ARID1B: variants seen among roughly 807,000 people sequenced by gnomAD.
The protein encoded by ARID1B is AT-rich interaction domain 1B, also known as AT-rich interactive domain-containing protein 1B.
ARID1B carries 30 observed loss-of-function variants against 212.3 expected under a neutral mutation model. That is an observed-to-expected ratio of 0.14 (90% CI 0.11 to 0.19). The LOEUF is 0.19. ARID1B is among the 10% of genes least tolerant of loss of function. The pLI is 1.00. For synonymous variants in ARID1B, 1,402 were observed against 1,301.7 expected, an observed-to-expected ratio of 1.08 and a Z score of -1.66; for missense variants, 2,891 against 3,204.0, an observed-to-expected ratio of 0.90 and a Z score of 2.36.
chr6:157,161,360 G>A (rs1053568632), intron 8 of ARID1B, among the ~76,000 whole-genome samples: 4 of 151,612 alleles, frequency 2.6e-5, no homozygotes, highest in East Asian at 1.9e-4. Context: ...TTGCAGGCAC[G>A]CTGGTGGATT....
intron 4 of ARID1B, among the ~76,000 whole-genome samples, chr6:157,081,974 T>C (rs972299339): frequency 6.6e-6 from 1 of 152,212 alleles, no homozygotes; most frequent in Non-Finnish European, 1.5e-5. Context: ...TCCTGCCTGA[T>C]GGCTGTTCTC....
chr6:156,793,155 C>T (rs1780125563), intron 1 of ARID1B, among the ~76,000 whole-genome samples: 1 of 152,106 alleles, frequency 6.6e-6, no homozygotes, highest in Non-Finnish European at 1.5e-5. Context: ...TGAGGCATGG[C>T]TGGCACCTGA....
chr6:156,811,206 C>T (rs1230251584), intron 1 of ARID1B, among the ~76,000 whole-genome samples: 1 of 152,164 alleles, frequency 6.6e-6, no homozygotes, highest in Non-Finnish European at 1.5e-5. Flanking sequence ...ACTGTTTTAA[C>T]TTAATGTCAT....
chr6:156,806,916 AG>A (rs1200583251), intron 1 of ARID1B, among the ~76,000 whole-genome samples: 2 of 152,260 alleles, frequency 1.3e-5, no homozygotes, highest in African/African-American at 4.8e-5. Flanking sequence ...GCTGCGTGCC[AG>A]AAAAGCTATG....
At chr6:157,068,376 A>T (rs892008385) in intron 4 of ARID1B, among the ~76,000 whole-genome samples, 6 of 152,152 alleles carry the variant, frequency 3.9e-5, no homozygotes, top group African/African-American at 1.2e-4. Flanking sequence ...GCTGAATCTG[A>T]TGATGGTCTC....
chr6:157,127,801 AAAAAAC>A (rs1416120445), intron 6 of ARID1B, among the ~76,000 whole-genome samples: 1,497 of 147,048 alleles, frequency 0.01, 38 homozygotes, highest in African/African-American at 0.037. Flanking sequence ...AAAAAAAAAA[AAAAAAC>A]AAAAATTAGC....
intron 2 of ARID1B, among the ~76,000 whole-genome samples, chr6:156,897,249 C>CTTATTATTATTATTA (rs1165510857): frequency 2.1e-4 from 21 of 100,824 alleles, no homozygotes; most frequent in African/African-American, 4.6e-4. Flanking sequence ...TCTTCTTCTT[C>CTTATTATTATTATTA]TTCTTCTTCT....
intron 10 of ARID1B, 53 bp from the exon 11 acceptor site, chr6:157,174,790 TTAAA>T: frequency 7.3e-7 from 1 of 1,370,860 alleles, no homozygotes; most frequent in Middle Eastern, 2.1e-4. Flanking sequence ...TTTTGTTATT[TTAAA>T]TAAAGTTTGC....
intron 4 of ARID1B, among the ~76,000 whole-genome samples, chr6:157,044,514 G>A (rs192851313): frequency 6.6e-6 from 1 of 152,320 alleles, no homozygotes; most frequent in Admixed American, 6.5e-5. Flanking sequence ...GGGCCTCCTG[G>A]CTCAAGAACC....
Position 157,200,835 on chromosome 6 carries a change from C to T in ARID1B, c.4610C>T (p.Pro1537Leu), listed in dbSNP as rs530430137. 7.4e-6 allele frequency: 12 copies of T among 1,614,090 alleles called. No homozygotes were observed. Among genetic ancestry groups the T allele is most frequent in the South Asian group, 2.2e-5 (2 of 91,092 alleles). Residue 1537 changes from proline to leucine, a missense_variant, in exon 18 of 20, where the codon CCG (proline) becomes CTG (leucine). Coordinates refer to ENST00000636930, the MANE Select transcript of ARID1B (RefSeq NM_001374828.1). This position sits in a 1 kb window ranked among gnomAD's most constrained non-coding sequence, Gnocchi z 4.3. ...CAGTATGGAGGCTCCTACTCGGGCCCGGACCGCAGGCCCATCCAGGGCCAG... is the reference window on the plus strand; with the variant it reads ...CAGTATGGAGGCTCCTACTCGGGCCTGGACCGCAGGCCCATCCAGGGCCAG... ...YNQYGGSYSG[P>L]DRRPIQGQYP...
intron 2 of ARID1B, among the ~76,000 whole-genome samples, chr6:156,890,642 G>C (rs182634688): frequency 1.3e-5 from 2 of 152,226 alleles, no homozygotes; most frequent in Non-Finnish European, 2.9e-5. Context: ...CCCAGCTTGT[G>C]GGTGTGGGTG....
At chr6:157,067,290 C>G (rs1783727455) in intron 4 of ARID1B, among the ~76,000 whole-genome samples, 1 of 152,156 alleles carries the variant, frequency 6.6e-6, no homozygotes, top group African/African-American at 2.4e-5. Context: ...TGCTCCTAAC[C>G]ACGAAGCTTT....
intron 1 of ARID1B, among the ~76,000 whole-genome samples, chr6:156,805,455 G>C (rs1781086829): frequency 6.6e-6 from 1 of 152,186 alleles, no homozygotes; most frequent in Non-Finnish European, 1.5e-5. Context: ...TGTTGTCCGA[G>C]TGTCAGCTTT....
intron 4 of ARID1B, among the ~76,000 whole-genome samples, chr6:156,962,216 G>T (rs1250964907): frequency 6.6e-6 from 1 of 152,046 alleles, no homozygotes. Flanking sequence ...GGAGAATGGC[G>T]TGAACCCGGC....
intron 6 of ARID1B, among the ~76,000 whole-genome samples, chr6:157,126,279 T>C (rs1215342601): frequency 6.6e-6 from 1 of 152,184 alleles, no homozygotes; most frequent in East Asian, 1.9e-4. Context: ...CAGAGCAAGA[T>C]GTGCGTTCTT....
rs371507318 is a variant in ARID1B at position 157,034,954 on chromosome 6, G to C, written c.2248-49708G>C. Among the ~76,000 whole-genome samples, 10 of 152,238 alleles carry C rather than the reference G, an allele frequency of 6.6e-5. No individual in the cohort carries two copies. The South Asian group carries it at 2.1e-3, about 32-fold the overall frequency. On this transcript the variant is annotated intron_variant, in intron 4 of 19. Transcript: ENST00000636930. ...TAAGAGTTTCAAAACAATTCCCCCAGCCCTCCTGGAGATAGAATCTGGGGT... is the reference window on the plus strand; with the variant it reads ...TAAGAGTTTCAAAACAATTCCCCCACCCCTCCTGGAGATAGAATCTGGGGT...
chr6:157,137,927 A>G (rs1409972981), intron 7 of ARID1B, among the ~76,000 whole-genome samples: 1 of 152,236 alleles, frequency 6.6e-6, no homozygotes, highest in Non-Finnish European at 1.5e-5. Flanking sequence ...AAAATAAATT[A>G]GATGCCATCT....
intron 6 of ARID1B, chr6:157,119,794 G>T (rs1317465201): frequency 6.6e-6 from 1 of 152,274 alleles, no homozygotes; most frequent in Non-Finnish European, 1.5e-5. Context: ...CCAGACTCCA[G>T]AACTCTGCGA....
chr6:157,059,542 G>A (rs1176651522), intron 4 of ARID1B, among the ~76,000 whole-genome samples: 3 of 152,186 alleles, frequency 2.0e-5, no homozygotes, highest in African/African-American at 7.2e-5. Context: ...TTTACCAAAA[G>A]GTTTCTGAGA....
Sources: gnomAD v4.1 joint callset for allele counts (sites outside exome capture counted in the v4.1 genomes callset) on GRCh38, gnomAD v4.1.1 for gene constraint, Gnocchi (gnomAD v3.1) non-coding constraint, MANE v1.5 for transcripts, NCBI Gene and HGNC (gene_info 2026-07-23, HGNC 2026-07-21) for gene names.